The following RASAL3 variants were observed in gnomAD, a reference collection of about 807,000 sequenced individuals.
The protein encoded by RASAL3 is RAS protein activator like 3.
A neutral mutation model predicts 105.5 loss-of-function variants in RASAL3; 74 were observed. The ratio of observed to expected loss-of-function variants is 0.70; its 90% CI spans 0.58 to 0.85. RASAL3 has a LOEUF of 0.85. RASAL3 is among the 40% of genes least tolerant of loss of function. The pLI is 0.00. For missense variants in RASAL3, 1,352 were observed against 1,392.0 expected, an observed-to-expected ratio of 0.97 and a Z score of 0.46; for synonymous variants, 579 against 591.6, an observed-to-expected ratio of 0.98 and a Z score of 0.31.
chr19:15,452,595 T>A, intron 16 of RASAL3, 63 bp downstream of exon 16: 3 of 1,036,252 alleles, frequency 2.9e-6, no homozygotes, highest in Non-Finnish European at 3.8e-6. Flanking sequence ...GGGGAGGGCC[T>A]GGTCAGATCT....
Position 15,454,641 on chromosome 19 carries a change from G to C in RASAL3, c.1958+16C>G, listed in dbSNP as rs897168797. 1 of 1,610,702 alleles carries C rather than the reference G, an allele frequency of 6.2e-7. No individual in the cohort carries two copies. The highest frequency in any genetic ancestry group is 1.3e-5 in the African/African-American group (1 of 74,870). On this transcript the variant is annotated intron_variant, in intron 12 of 17. Transcript: ENST00000343625. ...TCCCAGCATGGTCCCCCCACCCCTA[G>C]CTTCCCAGCACCTACGGGGCACGGT...
At chr19:15,460,904 G>A (rs1279146372) in intron 5 of RASAL3, among the ~76,000 whole-genome samples, 156 bp downstream of exon 5, 1 of 152,062 alleles carries the variant, frequency 6.6e-6, no homozygotes. Context: ...CTAGAGAAAG[G>A]TTATTTCATT....
At chr19:15,459,239 C>CTATGTATTTATTTATTTATT (rs1970432563) in intron 6 of RASAL3, among the ~76,000 whole-genome samples, 1 of 144,544 alleles carries the variant, frequency 6.9e-6, no homozygotes, top group African/African-American at 2.6e-5. Flanking sequence ...GTGCCCAGCC[C>CTATGTATTTATTTATTTATT]TATTTATTTA....
Position 15,454,453 on chromosome 19 carries a change from C to A in RASAL3, c.2068G>T (p.Ala690Ser), listed in dbSNP as rs756941364. 2 of 1,614,006 alleles carry A rather than the reference C, an allele frequency of 1.2e-6. No individual in the cohort carries two copies. Among genetic ancestry groups the A allele is most frequent in the African/African-American group, 2.7e-5 (2 of 75,060 alleles). Residue 690 changes from alanine (A) to serine (S), a missense_variant, in exon 13 of 18, where the codon GCC becomes TCC. By Grantham distance (99) the Ala-to-Ser change is moderately conservative. Coordinates refer to ENST00000343625, the MANE Select transcript of RASAL3 (RefSeq NM_022904.3). ...CCACTGCCCTGGTAACCACTGGGGG[C>A]AGCATCCACATCCACCATGGCTACC... ...DQVAMVDVDAAPSGYQGSGDL... is the reference protein window; with the variant it reads ...DQVAMVDVDASPSGYQGSGDL...
At position 15,458,416 on chromosome 19, in the gene RASAL3, G is replaced by C; in HGVS notation, c.800C>G (p.Thr267Arg). The C allele has an allele frequency of 6.2e-7, 1 of 1,613,760 alleles. No homozygotes were observed. The highest frequency in any genetic ancestry group is 8.5e-7 in the Non-Finnish European group (1 of 1,179,798). The part of the protein sequence containing the change: ...GEPHCFQVTW[T>R]GGSRCFSCRS... ...ACAAGAGAAGCAGCGGCTTCCACCCGTCCAGGTTACCTGTTGGGATGGAGA... is the reference window on the plus strand; with the variant it reads ...ACAAGAGAAGCAGCGGCTTCCACCCCTCCAGGTTACCTGTTGGGATGGAGA... Residue 267 changes from threonine (T) to arginine (R), a missense_variant, in exon 8 of 18, where the codon ACG (threonine) becomes AGG (arginine). Thr to Arg is a moderately conservative substitution (Grantham distance 71). Transcript: ENST00000343625.
In RASAL3 at chr19:15,457,313, C is replaced by T; in HGVS notation, c.1410G>A (p.Leu470=). The change falls in exon 9 of 18, where the codon CTG becomes CTA. Residue 470 remains leucine (L), a synonymous_variant. Coordinates refer to ENST00000343625, the MANE Select transcript of RASAL3 (RefSeq NM_022904.3). This position sits in a 1 kb window ranked among gnomAD's most constrained non-coding sequence, Gnocchi z 8.6. ...GCACCTGCGCCCGGCCGGTGGCCCG[C>T]AGCACGCGCACCATGGCTGCCGCCA... is the stretch of plus-strand genomic sequence containing the variant. ...EELAAAMVRV[L]RATGRAQALV... 1 of 1,320,478 alleles carries T rather than the reference C, an allele frequency of 7.6e-7. No homozygotes were observed. The highest frequency in any genetic ancestry group is 9.6e-7 in the Non-Finnish European group (1 of 1,037,320). The allele number at this position is 1,320,478 out of a possible 1,614,324, so 81.8% of individuals were successfully genotyped here.
In RASAL3 at chr19:15,456,199, GT is replaced by G. The variant is rs764965395; in HGVS notation, c.1625del (p.Asp542AlafsTer99). ...GCTCCGAGGCTGGACATTTGCTGGG[GT>G]CCACTTCACAGTCCTCAGTAGAAGC... ...LCASTEDCEVDPSKCPASELP... is the reference protein window; with the variant it reads ...LCASTEDCEVXPSKCPASELP... On this transcript the variant is annotated frameshift_variant, in exon 11 of 18. Coordinates refer to ENST00000343625, the MANE Select transcript of RASAL3 (RefSeq NM_022904.3). LOFTEE classifies it high-confidence loss of function. The surrounding 1 kb of genome is among the most constrained non-coding windows in gnomAD (Gnocchi z 4.4). 27 of 1,613,658 alleles carry G rather than the reference GT, an allele frequency of 1.7e-5. No homozygotes were observed. Among genetic ancestry groups the G allele is most frequent in the Non-Finnish European group, 2.1e-5 (25 of 1,179,832 alleles).
At chr19:15,460,944 G>T in intron 5 of RASAL3, 116 bp downstream of exon 5, 2 of 877,616 alleles carry the variant, frequency 2.3e-6, no homozygotes, top group South Asian at 2.9e-5. Context: ...GGACTCTGAG[G>T]CCCAAAGAGG....
At chr19:15,460,942 A>G in intron 5 of RASAL3, 118 bp downstream of exon 5, 4 of 852,398 alleles carry the variant, frequency 4.7e-6, no homozygotes, top group Non-Finnish European at 7.7e-6. Flanking sequence ...TGGGACTCTG[A>G]GGCCCAAAGA....
At chr19:15,455,177 A>G (rs893417484) in intron 11 of RASAL3, among the ~76,000 whole-genome samples, 1 of 152,218 alleles carries the variant, frequency 6.6e-6, no homozygotes, top group African/African-American at 2.4e-5. Flanking sequence ...AGTTGGGGAT[A>G]CAGGGTCACA....
intron 15 of RASAL3, 132 bp downstream of exon 15, chr19:15,452,975 G>A (rs1970205898): frequency 2.0e-6 from 3 of 1,482,982 alleles, no homozygotes; most frequent in Non-Finnish European, 1.8e-6. Flanking sequence ...AGCTCAGAGA[G>A]GGTCGGGCTA....
intron 8 of RASAL3, 184 bp from the exon 9 acceptor site, chr19:15,458,018 T>C (rs1970383182): frequency 1.4e-6 from 1 of 703,758 alleles, no homozygotes; most frequent in African/African-American, 1.8e-5. Flanking sequence ...CTTCTAGCTT[T>C]TCTGGGCTCT....
chr19:15,459,290 G>A (rs1970436260), intron 6 of RASAL3, among the ~76,000 whole-genome samples: 1 of 145,346 alleles, frequency 6.9e-6, no homozygotes, highest in Non-Finnish European at 1.5e-5. Context: ...CTTTTGCCCA[G>A]GCAGGAGTGC....
intron 2 of RASAL3, among the ~76,000 whole-genome samples, chr19:15,463,764 C>T (rs1230301161): frequency 3.3e-5 from 5 of 152,068 alleles, no homozygotes; most frequent in Non-Finnish European, 7.4e-5. Context: ...GGCCAAGAGC[C>T]GTTTAGCCTC....
chr19:15,456,355 T>C lies in RASAL3; in HGVS notation c.1577-107A>G, dbSNP rs1415164842. Reference sequence around the variant, plus strand: ...GTTATTCCGGAGGCACCCAACATCTTGGGGAGCTCCCAATTGTCCCCAGGA... The same window carrying C: ...GTTATTCCGGAGGCACCCAACATCTCGGGGAGCTCCCAATTGTCCCCAGGA... On this transcript the variant is annotated intron_variant, in intron 10 of 17. Coordinates refer to ENST00000343625, the MANE Select transcript of RASAL3 (RefSeq NM_022904.3). This position sits in a 1 kb window ranked among gnomAD's most constrained non-coding sequence, Gnocchi z 4.4. 1 of 1,538,186 alleles carries C rather than the reference T, an allele frequency of 6.5e-7. No homozygotes were observed. The highest frequency in any genetic ancestry group is 8.8e-7 in the Non-Finnish European group (1 of 1,136,920).
chr19:15,453,082 G>A lies in RASAL3; in HGVS notation c.2670+25C>T. On this transcript the variant is annotated intron_variant, in intron 15 of 17. Coordinates refer to ENST00000343625, the MANE Select transcript of RASAL3 (RefSeq NM_022904.3). The surrounding 1 kb of genome is among the most constrained non-coding windows in gnomAD (Gnocchi z 4.2). The stretch of plus-strand genomic sequence containing the variant: ...GTCGCGTCCCTGTTCCCACTCCCCA[G>A]GCGCGGACCTGGGCCTGACCTTACC... 6.2e-7 allele frequency: 1 copy of A among 1,612,558 alleles called. No individual in the cohort carries two copies. The highest frequency in any genetic ancestry group is 8.5e-7 in the Non-Finnish European group (1 of 1,179,590).
Position 15,462,962 on chromosome 19 carries a change from A to T in RASAL3, c.328+1069T>A, listed in dbSNP as rs531614780. Reference sequence around the variant, plus strand: ...CGAGACTCCATCTCAAAAAAAAAATAAAAAAAATGCTGGGCCCTAGGCTAG... The same window carrying T: ...CGAGACTCCATCTCAAAAAAAAAATTAAAAAAATGCTGGGCCCTAGGCTAG... On this transcript the variant is annotated intron_variant, in intron 2 of 17. Transcript: ENST00000343625. Among the ~76,000 whole-genome samples, 302 of 151,966 alleles carry T rather than the reference A, an allele frequency of 2.0e-3. 1 individual carries two copies. The highest frequency in any genetic ancestry group is 6.8e-3 in the African/African-American group (282 of 41,490).
At chr19:15,463,133 G>T (rs1435713996) in intron 2 of RASAL3, among the ~76,000 whole-genome samples, 2 of 149,240 alleles carry the variant, frequency 1.3e-5, no homozygotes, top group African/African-American at 4.9e-5. Flanking sequence ...TCGCCCAGGC[G>T]GGAGTGCAGT....
intron 6 of RASAL3, among the ~76,000 whole-genome samples, chr19:15,459,916 G>A (rs1321407949): frequency 6.6e-6 from 1 of 152,052 alleles, no homozygotes; most frequent in Non-Finnish European, 1.5e-5. Context: ...CCCCCCTGTT[G>A]GCCTAGTTAA....
Sources: gnomAD v4.1 joint callset for allele counts (sites outside exome capture counted in the v4.1 genomes callset) on GRCh38, gnomAD v4.1.1 for gene constraint, Gnocchi (gnomAD v3.1) non-coding constraint, MANE v1.5 for transcripts, NCBI Gene and HGNC (gene_info 2026-07-23, HGNC 2026-07-21) for gene names.